Variants in VEZT observed in about 807,000 individuals in gnomAD.
VEZT encodes vezatin, adherens junctions transmembrane protein.
A neutral mutation model predicts 79.9 loss-of-function variants in VEZT; 39 were observed. The ratio of observed to expected loss-of-function variants is 0.49; its 90% CI spans 0.38 to 0.64. VEZT has a LOEUF of 0.64. Ranked by LOEUF, VEZT falls within the 30% of genes least tolerant of loss-of-function variation. The pLI is 0.00. For missense variants in VEZT, 837 were observed against 893.1 expected (o/e 0.94, Z 0.80); for synonymous variants, 325 against 327.6 (o/e 0.99, Z 0.09).
At chr12:95,297,506 C>G (rs2139909382) in intron 11 of VEZT, among the ~76,000 whole-genome samples, 1 of 152,132 alleles carries the variant, frequency 6.6e-6, no homozygotes, top group Non-Finnish European at 1.5e-5. Context: ...AGCCCAGGTC[C>G]TCAGTAGATT....
At chr12:95,289,334 G>A (rs533053238) in intron 9 of VEZT, among the ~76,000 whole-genome samples, 54 of 143,460 alleles carry the variant, frequency 3.8e-4, no homozygotes, top group Non-Finnish European at 6.6e-4. Context: ...GGAGAATGGC[G>A]TGAACCCAGG....
At chr12:95,284,572 G>T (rs900927603) in intron 8 of VEZT, among the ~76,000 whole-genome samples, 1 of 152,234 alleles carries the variant, frequency 6.6e-6, no homozygotes, top group East Asian at 1.9e-4. Context: ...ACTATAGAAG[G>T]GTTTGTCATA....
At chr12:95,236,818 C>T (rs975750479) in intron 1 of VEZT, among the ~76,000 whole-genome samples, 2 of 152,120 alleles carry the variant, frequency 1.3e-5, no homozygotes, top group Non-Finnish European at 2.9e-5. Flanking sequence ...AACTCCTGAC[C>T]TTGAGTGATC....
rs141005232 is a variant in VEZT, at chr12:95,220,586, T to C, written c.36+2700T>C. Among the ~76,000 whole-genome samples, 1,296 of 152,348 alleles carry C rather than the reference T, an allele frequency of 8.5e-3. 13 individuals carry two copies. Among genetic ancestry groups the C allele is most frequent in the Middle Eastern group, 0.044 (13 of 294 alleles). ...CATAATAACCTAGATTAATTTTGTC[T>C]ATTTTTATTGTTTAGACACTGTGCA... On this transcript the variant is annotated intron_variant, in intron 1 of 11. Coordinates refer to ENST00000436874, the MANE Select transcript of VEZT (RefSeq NM_017599.4).
chr12:95,296,815 C>T (rs926046294), intron 11 of VEZT: 4 of 152,494 alleles, frequency 2.6e-5, no homozygotes, highest in Non-Finnish European at 4.4e-5. Context: ...TGGCGCGTGC[C>T]TGTAGTCCCA....
chr12:95,295,919 C>T (rs545406527), intron 10 of VEZT, 132 bp from the exon 11 acceptor site: 4 of 659,536 alleles, frequency 6.1e-6, no homozygotes, highest in Non-Finnish European at 9.8e-6. Context: ...TTTCCTAGCT[C>T]TGCTTTAATG....
At chr12:95,282,277 T>TA in intron 7 of VEZT, 36 bp from the exon 8 acceptor site, 7 of 1,511,756 alleles carry the variant, frequency 4.6e-6, no homozygotes, top group Non-Finnish European at 6.2e-6. Flanking sequence ...GACCAATATT[T>TA]TTATTGATCT....
At chr12:95,292,333 A>G (rs558690754) in intron 9 of VEZT, among the ~76,000 whole-genome samples, 6 of 152,156 alleles carry the variant, frequency 3.9e-5, no homozygotes, top group African/African-American at 1.4e-4. Context: ...ATTGCTATTA[A>G]TAATAGTCTT....
intron 2 of VEZT, among the ~76,000 whole-genome samples, chr12:95,256,159 C>T (rs549705661): frequency 5.9e-5 from 9 of 152,208 alleles, no homozygotes; most frequent in South Asian, 4.1e-4. Flanking sequence ...TCAAGTGATT[C>T]GCCTGCCTCA....
rs1256384603 is a variant in VEZT at position 95,246,247 on chromosome 12, C to T, written c.37-5693C>T. Among the ~76,000 whole-genome samples, 6 of 152,168 alleles carry T rather than the reference C, an allele frequency of 3.9e-5. No individual in the cohort carries two copies. The East Asian group carries it at 5.8e-4, about 15-fold the overall frequency. The stretch of plus-strand genomic sequence containing the variant: ...AAGGGATTCTCCTGCTTCAGTCTCC[C>T]GAGTAGCTGAGATTACAGACATGTG... On this transcript the variant is annotated intron_variant, in intron 1 of 11. Coordinates refer to ENST00000436874, the MANE Select transcript of VEZT (RefSeq NM_017599.4).
chr12:95,236,378 G>A (rs1421488773), intron 1 of VEZT, among the ~76,000 whole-genome samples: 2 of 152,190 alleles, frequency 1.3e-5, no homozygotes, highest in African/African-American at 2.4e-5. Context: ...CAGCAGTACA[G>A]TCCAGCTTCG....
At chr12:95,248,716 G>A (rs1431054059) in intron 1 of VEZT, among the ~76,000 whole-genome samples, 3 of 151,372 alleles carry the variant, frequency 2.0e-5, no homozygotes, top group Admixed American at 6.6e-5. Context: ...AGGAGGGCAC[G>A]ATGGCTTGCA....
chr12:95,258,731 CTTTTTAAG>C (rs1436540115), intron 3 of VEZT, among the ~76,000 whole-genome samples: 1 of 152,022 alleles, frequency 6.6e-6, no homozygotes. Flanking sequence ...GGTAATGGCA[CTTTTTAAG>C]TGCCTTTTAG....
chr12:95,218,175 G>C (rs1292916797), intron 1 of VEZT: 1 of 292,070 alleles, frequency 3.4e-6, no homozygotes, highest in African/African-American at 2.6e-5. Flanking sequence ...CCTGGGAATG[G>C]ATGTGCGGCG....
chr12:95,300,855 T>C lies in VEZT; in HGVS notation c.*182T>C, dbSNP rs2075134235. On this transcript the variant is annotated 3_prime_UTR_variant, in exon 12 of 12. Coordinates refer to ENST00000436874, the MANE Select transcript of VEZT (RefSeq NM_017599.4). Reference sequence around the variant, plus strand: ...AGTAGTTACCTGTAAATGGCAGATCTTTTAGGAAAATAAGAGAAAGGTAAG... The same window carrying C: ...AGTAGTTACCTGTAAATGGCAGATCCTTTAGGAAAATAAGAGAAAGGTAAG... 1.3e-6 allele frequency: 1 copy of C among 755,648 alleles called. No individual in the cohort carries two copies. The highest frequency in any genetic ancestry group is 3.4e-5 in the East Asian group (1 of 29,694). The allele number at this position is 755,648 out of a possible 1,614,324, so 46.8% of individuals were successfully genotyped here.
intron 1 of VEZT, among the ~76,000 whole-genome samples, chr12:95,233,486 G>A (rs888570071): frequency 5.9e-5 from 9 of 152,068 alleles, no homozygotes; most frequent in African/African-American, 2.2e-4. Flanking sequence ...TGCAACCTCC[G>A]CCTCCCAGGT....
chr12:95,235,540 G>T (rs2059974054), intron 1 of VEZT, among the ~76,000 whole-genome samples: 1 of 143,596 alleles, frequency 7.0e-6, no homozygotes, highest in Admixed American at 6.8e-5. Context: ...CCGGGCGGGG[G>T]GCTGACCCCC....
At chr12:95,233,948 C>G (rs967966655) in intron 1 of VEZT, among the ~76,000 whole-genome samples, 1 of 152,040 alleles carries the variant, frequency 6.6e-6, no homozygotes, top group Non-Finnish European at 1.5e-5. Context: ...GCTAGGTCAA[C>G]GGATATTTGC....
In VEZT at chr12:95,270,103, C is replaced by A. The variant is rs765126685; in HGVS notation, c.763C>A (p.Leu255Ile). ...AGCTGGACAGCATCCAAGTCAGCAT[C>A]TCATCGGTCTTCGGAAAGCTGTCTA... ...NKAGQHPSQHLIGLRKAVYRT... is the reference protein window; with the variant it reads ...NKAGQHPSQHIIGLRKAVYRT... Residue 255 changes from leucine (L) to isoleucine (I), a missense_variant, in exon 6 of 12, where the codon CTC becomes ATC. Leu to Ile is a conservative substitution (Grantham distance 5, BLOSUM62 2). Transcript: ENST00000436874. 3 of 1,611,992 alleles carry A rather than the reference C, an allele frequency of 1.9e-6. No homozygotes were observed. Among genetic ancestry groups the A allele is most frequent in the Non-Finnish European group, 2.5e-6 (3 of 1,179,094 alleles).
Sources: allele counts gnomAD v4.1 joint callset (sites outside exome capture counted in the v4.1 genomes callset), GRCh38; gene constraint gnomAD v4.1.1; transcripts MANE v1.5; gene names NCBI Gene and HGNC (gene_info 2026-07-23, HGNC 2026-07-21).